ITPKC: variants seen among roughly 807,000 people sequenced by gnomAD.
The protein encoded by ITPKC is IP3 3-kinase C.
Under a neutral mutation model 67.1 loss-of-function variants are expected in ITPKC, and 33 were observed. That is an observed-to-expected ratio of 0.49 (90% CI 0.37 to 0.66). The LOEUF is 0.66. Among genes scored for constraint, ITPKC ranks in the 30% least tolerant of loss-of-function variants. The pLI is 0.00. For synonymous variants in ITPKC, 341 were observed against 359.8 expected (o/e 0.95, Z 0.59); for missense variants, 820 against 892.1 (o/e 0.92, Z 1.03).
At chr19:40,719,367 GAATAATAATAAT>G (rs5828077) in intron 1 of ITPKC, among the ~76,000 whole-genome samples, 11 of 150,068 alleles carry the variant, frequency 7.3e-5, no homozygotes, top group African/African-American at 9.8e-5. Context: ...GGAAGTGGGT[GAATAATAATAAT>G]AATAATAATA....
chr19:40,738,383 T>C (rs1025696850), intron 6 of ITPKC, among the ~76,000 whole-genome samples: 1 of 152,046 alleles, frequency 6.6e-6, no homozygotes, highest in Non-Finnish European at 1.5e-5. Context: ...GAGCCGAGAT[T>C]GTGCCGCTGC....
rs141686503 is a variant in ITPKC, at chr19:40,718,421, C to T, written c.1155+131C>T. 526 of 1,176,834 alleles carry T rather than the reference C, an allele frequency of 4.5e-4. 7 individuals carry two copies. The East Asian group carries it at 0.013, about 30-fold the overall frequency. The allele number at this position is 1,176,834 out of a possible 1,614,324, so 72.9% of individuals were successfully genotyped here. ...CAATTTCATCTCCGGGAACCTCTTCCATCCACTGACCTCCTCCCTCTGACA... is the reference window on the plus strand; with the variant it reads ...CAATTTCATCTCCGGGAACCTCTTCTATCCACTGACCTCCTCCCTCTGACA... On this transcript the variant is annotated intron_variant, in intron 1 of 6. Coordinates refer to ENST00000263370, the MANE Select transcript of ITPKC (RefSeq NM_025194.3).
intron 1 of ITPKC, 32 bp downstream of exon 1, chr19:40,718,322 A>G (rs1347614282): frequency 1.3e-6 from 2 of 1,492,108 alleles, no homozygotes; most frequent in South Asian, 1.4e-5. Context: ...CTTGAGCCAC[A>G]TCACGCAAAA....
In ITPKC at chr19:40,740,524, G is replaced by T. The variant is rs1285628373; in HGVS notation, c.*964G>T. 1.9e-5 allele frequency: 4 copies of T among 211,882 alleles called. No individual in the cohort carries two copies. Among genetic ancestry groups the T allele is most frequent in the Non-Finnish European group, 3.8e-5 (4 of 106,354 alleles). 13.1% of individuals were successfully genotyped at this position (211,882 alleles called of 1,614,324 possible). Reference sequence around the variant, plus strand: ...TGTGTGTCAGAGGCGCAGGGTGGGTGGGGCTGCCAGCCAGGACCCTGGCCT... The same window carrying T: ...TGTGTGTCAGAGGCGCAGGGTGGGTTGGGCTGCCAGCCAGGACCCTGGCCT... On this transcript the variant is annotated 3_prime_UTR_variant, in exon 7 of 7. Transcript: ENST00000263370.
In ITPKC at chr19:40,729,354, A is replaced by G; in HGVS notation, c.1408A>G (p.Met470Val). 6.2e-7 allele frequency: 1 copy of G among 1,614,128 alleles called. No individual in the cohort carries two copies. Among genetic ancestry groups the G allele is most frequent in the Non-Finnish European group, 8.5e-7 (1 of 1,180,004 alleles). The change falls in exon 3 of 7, where the codon ATG (methionine) becomes GTG (valine). Residue 470 changes from methionine (M) to valine (V), a missense_variant. Met to Val is a conservative substitution (Grantham distance 21). Coordinates refer to ENST00000263370, the MANE Select transcript of ITPKC (RefSeq NM_025194.3). ...GCAGGATGGCCAGACCTTCAACCAG[A>G]TGGAAGACCTCCTGGCTGACTTTGA... is the stretch of plus-strand genomic sequence containing the variant. ...VLQDGQTFNQ[M>V]EDLLADFEGP...
chr19:40,723,111 G>A (rs866180853), intron 1 of ITPKC, among the ~76,000 whole-genome samples: 11 of 151,754 alleles, frequency 7.2e-5, no homozygotes, highest in African/African-American at 1.7e-4. Context: ...GCAGGTGCCC[G>A]CCACCATGCC....
In ITPKC at chr19:40,718,246, G is replaced by T; in HGVS notation, c.1111G>T (p.Val371Leu). The T allele has an allele frequency of 6.6e-7, 1 of 1,524,484 alleles. No homozygotes were observed. Among genetic ancestry groups the T allele is most frequent in the Non-Finnish European group, 8.8e-7 (1 of 1,141,220 alleles). The allele number at this position is 1,524,484 out of a possible 1,614,324, so 94.4% of individuals were successfully genotyped here. The stretch of plus-strand genomic sequence containing the variant: ...TTTCGACGAGTCTGAGGATGACGTG[G>T]TGGCCGGGGGCGGAGGTGCCAGCGA... ...SSFDESEDDV[V>L]AGGGGASDPE... is the part of the protein sequence containing the mutation. The change falls in exon 1 of 7, where the codon GTG becomes TTG. Residue 371 changes from valine to leucine, a missense_variant. This residue lies in a region of ITPKC where 339 missense variants were observed against 422.0 expected (regional missense o/e 0.80). Transcript: ENST00000263370.
intron 4 of ITPKC, 92 bp downstream of exon 4, chr19:40,733,456 G>A: frequency 8.3e-7 from 1 of 1,209,898 alleles, no homozygotes; most frequent in Non-Finnish European, 1.2e-6. Context: ...GAGAGTGCAG[G>A]AGACGGCGTG....
Position 40,735,499 on chromosome 19 carries a change from C to T in ITPKC, c.1675-1487C>T, listed in dbSNP as rs544449807. 5.3e-5 allele frequency among the ~76,000 whole-genome samples: 8 copies of T among 152,154 alleles called. No individual in the cohort carries two copies. In the East Asian group the frequency reaches 7.7e-4, roughly 15 times the overall value. Reference sequence around the variant, plus strand: ...GGGACACAGGTGCGTGCCACCACACCCTGGTCTCTTCCGTCTGTGCCCCCT... The same window carrying T: ...GGGACACAGGTGCGTGCCACCACACTCTGGTCTCTTCCGTCTGTGCCCCCT... On this transcript the variant is annotated intron_variant, in intron 4 of 6. Coordinates refer to ENST00000263370, the MANE Select transcript of ITPKC (RefSeq NM_025194.3).
Position 40,717,326 on chromosome 19 carries a change from G to A in ITPKC, c.191G>A (p.Gly64Glu), listed in dbSNP as rs751648466. 1.6e-4 allele frequency: 256 copies of A among 1,595,652 alleles called. 1 individual carries two copies. The highest frequency in any genetic ancestry group is 2.1e-4 in the Non-Finnish European group (244 of 1,173,452). The change falls in exon 1 of 7, where the codon GGG (glycine) becomes GAG (glutamate). Residue 64 changes from glycine to glutamate, a missense_variant. Gly to Glu is a moderately conservative substitution (Grantham distance 98). Around this residue, in one of 2 missense-constraint regions of ITPKC, gnomAD observed 481 missense variants for 470.1 expected, o/e 1.02. Coordinates refer to ENST00000263370, the MANE Select transcript of ITPKC (RefSeq NM_025194.3). ...EGGGPWARTEGSSLHSEPERA... is the reference protein window; with the variant it reads ...EGGGPWARTEESSLHSEPERA... Reference sequence around the variant, plus strand: ...GGCGGGCCCTGGGCCCGGACAGAGGGGTCCAGCCTCCACAGCGAGCCTGAG... The same window carrying A: ...GGCGGGCCCTGGGCCCGGACAGAGGAGTCCAGCCTCCACAGCGAGCCTGAG...
intron 3 of ITPKC, among the ~76,000 whole-genome samples, chr19:40,730,318 T>TAC (rs914605388): frequency 1.2e-4 from 18 of 151,434 alleles, no homozygotes; most frequent in Admixed American, 2.6e-4. Flanking sequence ...GGAGGCTGTA[T>TAC]ACACACACAC....
intron 3 of ITPKC, among the ~76,000 whole-genome samples, chr19:40,730,885 G>C (rs1730730531): frequency 1.3e-5 from 2 of 152,180 alleles, no homozygotes; most frequent in African/African-American, 2.4e-5. Context: ...ACGGACACCA[G>C]CTGGATGTCC....
Position 40,729,372 on chromosome 19 carries a change from G to A in ITPKC, c.1426G>A (p.Asp476Asn), listed in dbSNP as rs1249056087. The A allele has an allele frequency of 6.2e-7, 1 of 1,613,784 alleles. No homozygotes were observed. Among genetic ancestry groups the A allele is most frequent in the South Asian group, 1.1e-5 (1 of 91,002 alleles). The change falls in exon 3 of 7, where the codon GAC becomes AAC. Residue 476 changes from aspartate (D) to asparagine (N), a missense_variant. This residue lies in a region of ITPKC where 339 missense variants were observed against 422.0 expected (regional missense o/e 0.80). Coordinates refer to ENST00000263370, the MANE Select transcript of ITPKC (RefSeq NM_025194.3). Reference protein sequence around the residue: ...TFNQMEDLLADFEGPSIMDCK... With the variant: ...TFNQMEDLLANFEGPSIMDCK... ...CAACCAGATGGAAGACCTCCTGGCTGACTTTGAGGGCCCCTCCATTATGGA... is the reference window on the plus strand; with the variant it reads ...CAACCAGATGGAAGACCTCCTGGCTAACTTTGAGGGCCCCTCCATTATGGA...
intron 4 of ITPKC, among the ~76,000 whole-genome samples, chr19:40,735,483 G>C (rs1337759290): frequency 6.6e-6 from 1 of 151,960 alleles, no homozygotes; most frequent in Non-Finnish European, 1.5e-5. Context: ...TGGGACACAG[G>C]TGCGTGCCAC....
chr19:40,739,580 G>A lies in ITPKC; in HGVS notation c.*20G>A, dbSNP rs781466180. The A allele has an allele frequency of 1.9e-6, 3 of 1,603,186 alleles. No homozygotes were observed. The highest frequency in any genetic ancestry group is 2.2e-5 in the South Asian group (2 of 90,230). Reference sequence around the variant, plus strand: ...AGCTGAGCTGCTCAGCCACCATCAGGTTAATTGGATGGCGCCAGTCTGGCT... The same window carrying A: ...AGCTGAGCTGCTCAGCCACCATCAGATTAATTGGATGGCGCCAGTCTGGCT... On this transcript the variant is annotated 3_prime_UTR_variant, in exon 7 of 7. Transcript: ENST00000263370.
At chr19:40,718,591 G>C (rs990697339) in intron 1 of ITPKC, among the ~76,000 whole-genome samples, 1 of 152,138 alleles carries the variant, frequency 6.6e-6, no homozygotes, top group African/African-American at 2.4e-5. Flanking sequence ...TAGGACTAAG[G>C]AGCCTGCCGT....
At position 40,737,099 on chromosome 19, in the gene ITPKC, A is replaced by G; in HGVS notation, c.1776+12A>G. On this transcript the variant is annotated intron_variant, in intron 5 of 6. Coordinates refer to ENST00000263370, the MANE Select transcript of ITPKC (RefSeq NM_025194.3). ...ACCACGTCATCCTGGTGAGTGGGAC[A>G]CCCATGTCCCAGAATGTAGCAGCTT... 2 of 1,504,962 alleles carry G rather than the reference A, an allele frequency of 1.3e-6. No individual in the cohort carries two copies. Among genetic ancestry groups the G allele is most frequent in the Non-Finnish European group, 1.8e-6 (2 of 1,099,136 alleles). 93.2% of individuals were successfully genotyped at this position (1,504,962 alleles called of 1,614,324 possible).
In ITPKC at chr19:40,740,673, T is replaced by C. The variant is rs1599660787; in HGVS notation, c.*1113T>C. The C allele has an allele frequency of 9.0e-5, 28 of 311,900 alleles. No homozygotes were observed. The East Asian group carries it at 1.4e-3, about 15-fold the overall frequency. The allele number at this position is 311,900 out of a possible 1,614,324, so 19.3% of individuals were successfully genotyped here. ...GGCGGACAGGCACCTACCTCTTCCT[T>C]AAGCTGAAGCTCCCACACTGTCTTC... On this transcript the variant is annotated 3_prime_UTR_variant, in exon 7 of 7. Transcript: ENST00000263370.
intron 1 of ITPKC, among the ~76,000 whole-genome samples, chr19:40,724,566 C>T (rs959334985): frequency 6.6e-6 from 1 of 152,160 alleles, no homozygotes; most frequent in African/African-American, 2.4e-5. Context: ...CTGTCTCTCT[C>T]TGTGGTCCAT....
Sources: allele counts gnomAD v4.1 joint callset (sites outside exome capture counted in the v4.1 genomes callset), GRCh38; gene constraint gnomAD v4.1.1; regional missense constraint gnomAD v4.1.1; transcripts MANE v1.5; gene names NCBI Gene and HGNC (gene_info 2026-07-23, HGNC 2026-07-21).